The following EPM2A variants were observed in gnomAD, a reference collection of about 807,000 sequenced individuals.
EPM2A encodes laforin.
A neutral mutation model predicts 26.5 loss-of-function variants in EPM2A; 21 were observed. That is an observed-to-expected ratio of 0.79 (90% confidence interval 0.56 to 1.14). The LOEUF is 1.14. Ranked by LOEUF, EPM2A falls within the 50% of genes most tolerant of loss-of-function variation. The probability of loss-of-function intolerance (pLI) is 0.00; values close to 1 mark genes in which losing one functional copy is unlikely to be tolerated. For synonymous variants in EPM2A, 217 were observed against 177.6 expected, an observed-to-expected ratio of 1.22 and a Z score of -1.76; for missense variants, 458 against 440.8, an observed-to-expected ratio of 1.04 and a Z score of -0.35.
chr6:145,686,920 C>T (rs932726497), intron 1 of EPM2A: 1 of 154,094 alleles, frequency 6.5e-6, no homozygotes, highest in Non-Finnish European at 1.4e-5. Context: ...TAGTCCCCCA[C>T]CTTTCTGGCG....
chr6:145,604,998 C>T (rs1363751010), intron 2 of EPM2A, among the ~76,000 whole-genome samples: 1 of 152,124 alleles, frequency 6.6e-6, no homozygotes, highest in African/African-American at 2.4e-5. Context: ...CTTTAAAGAT[C>T]ACCCTGCCTA....
intron 4 of EPM2A, among the ~76,000 whole-genome samples, chr6:145,410,039 G>A (rs1265100532): frequency 6.6e-6 from 1 of 152,174 alleles, no homozygotes; most frequent in East Asian, 1.9e-4. Flanking sequence ...GGTCAGCCTT[G>A]ATTCAATATG....
chr6:145,478,113 G>A (rs368734985), intron 4 of EPM2A, among the ~76,000 whole-genome samples: 9 of 151,954 alleles, frequency 5.9e-5, no homozygotes, highest in African/African-American at 1.7e-4. Flanking sequence ...ACAAAAATCA[G>A]TAGCATTTCT....
At chr6:145,503,203 G>A (rs1582804931) in intron 2 of EPM2A, among the ~76,000 whole-genome samples, 1 of 152,100 alleles carries the variant, frequency 6.6e-6, no homozygotes, top group African/African-American at 2.4e-5. Context: ...ATTTATTATT[G>A]ACTTTAAAAA....
At chr6:145,615,388 G>T (rs764272368) in intron 2 of EPM2A, among the ~76,000 whole-genome samples, 2 of 152,128 alleles carry the variant, frequency 1.3e-5, no homozygotes, top group Non-Finnish European at 2.9e-5. Context: ...ACATGGAACT[G>T]TAAGTCCATT....
chr6:145,439,505 A>C (rs1397230765), intron 4 of EPM2A, among the ~76,000 whole-genome samples: 1 of 152,174 alleles, frequency 6.6e-6, no homozygotes, highest in Non-Finnish European at 1.5e-5. Flanking sequence ...AGTAAAAGCC[A>C]TTCTGACTGA....
chr6:145,647,727 G>A (rs888857105), intron 2 of EPM2A, among the ~76,000 whole-genome samples: 2 of 152,106 alleles, frequency 1.3e-5, no homozygotes, highest in South Asian at 4.2e-4. Context: ...GGAAGGGGAA[G>A]TGAAAGGGGA....
chr6:145,691,945 A>G (rs1268993052), intron 1 of EPM2A, among the ~76,000 whole-genome samples: 1 of 152,088 alleles, frequency 6.6e-6, no homozygotes, highest in African/African-American at 2.4e-5. Context: ...AAGTTGGCAG[A>G]ATAATTTTTA....
intron 4 of EPM2A, among the ~76,000 whole-genome samples, chr6:145,491,615 A>T (rs1779756741): frequency 6.6e-6 from 1 of 152,052 alleles, no homozygotes. Flanking sequence ...TGGCTTTGGA[A>T]ATGACATTCG....
chr6:145,668,790 T>C (rs1213667373), intron 2 of EPM2A, among the ~76,000 whole-genome samples: 2 of 152,364 alleles, frequency 1.3e-5, no homozygotes, highest in African/African-American at 4.8e-5. Flanking sequence ...AAGCATTATA[T>C]GGTTTTACTT....
At chr6:145,404,790 T>C (rs1349404678) in intron 4 of EPM2A, among the ~76,000 whole-genome samples, 1 of 152,140 alleles carries the variant, frequency 6.6e-6, no homozygotes, top group Non-Finnish European at 1.5e-5. Flanking sequence ...TTTTAAAGTA[T>C]AGGTCCTTTC....
intron 4 of EPM2A, among the ~76,000 whole-genome samples, chr6:145,434,814 G>C (rs1253429938): frequency 6.6e-6 from 1 of 152,084 alleles, no homozygotes; most frequent in Non-Finnish European, 1.5e-5. Flanking sequence ...TACAGTTTGG[G>C]ATTTTTCCCC....
In EPM2A at chr6:145,416,202, G is replaced by A. The variant is rs903295643; in HGVS notation, c.556-32105C>T. ...CTTTCTAAATAGAAGCATGAGTTTA[G>A]GATACAATATTCCCAGTGAAGGCTA... is the stretch of plus-strand genomic sequence containing the variant. On this transcript the variant is annotated intron_variant, in intron 4 of 4. Coordinates refer to the EPM2A transcript ENST00000638717. Among the ~76,000 whole-genome samples the A allele has an allele frequency of 4.8e-4, 73 of 150,898 alleles. 1 individual carries two copies. The highest frequency in any genetic ancestry group is 1.6e-3 in the African/African-American group (68 of 41,248).
chr6:145,683,791 A>AC (rs1400372211), intron 2 of EPM2A, among the ~76,000 whole-genome samples: 1 of 152,128 alleles, frequency 6.6e-6, no homozygotes. Flanking sequence ...GGATCTGCCC[A>AC]CCTGAGCACA....
chr6:145,615,770 C>T (rs948743302), intron 2 of EPM2A, among the ~76,000 whole-genome samples: 1 of 151,966 alleles, frequency 6.6e-6, no homozygotes, highest in Non-Finnish European at 1.5e-5. Context: ...TATGTTTTAG[C>T]AAAGAGATTG....
chr6:145,708,034 A>G (rs2128630052), intron 1 of EPM2A, among the ~76,000 whole-genome samples: 1 of 152,336 alleles, frequency 6.6e-6, no homozygotes. Context: ...ACTTCTTGTG[A>G]ACTGGAGTAA....
At chr6:145,459,726 T>C (rs1289728918) in intron 4 of EPM2A, among the ~76,000 whole-genome samples, 1 of 152,164 alleles carries the variant, frequency 6.6e-6, no homozygotes, top group Admixed American at 6.6e-5. Context: ...TACTATATGA[T>C]AAGATACAAT....
At position 145,602,321 on chromosome 6, in the gene EPM2A, T is replaced by A. The variant is rs78302051; in HGVS notation, c.340+32924A>T. ...TATTTGTTGCATTGATAATTATACA[T>A]GTCACATTATGAAGTGTATATCTAA... On this transcript the variant is annotated intron_variant, in intron 2 of 3. Coordinates refer to the EPM2A transcript ENST00000450221. Among the ~76,000 whole-genome samples, 711 of 152,350 alleles carry A rather than the reference T, an allele frequency of 4.7e-3. 26 individuals are homozygous for A. In the East Asian group the frequency reaches 0.085, roughly 18 times the overall value.
At chr6:145,718,789 C>A (rs917765238) in intron 1 of EPM2A, among the ~76,000 whole-genome samples, 4 of 152,172 alleles carry the variant, frequency 2.6e-5, no homozygotes, top group Non-Finnish European at 5.9e-5. Flanking sequence ...AAACGAACAA[C>A]CCCATCAAAA....
Sources: allele counts gnomAD v4.1 joint callset (sites outside exome capture counted in the v4.1 genomes callset), GRCh38; gene constraint gnomAD v4.1.1; transcripts MANE v1.5; gene names NCBI Gene and HGNC (gene_info 2026-07-23, HGNC 2026-07-21).